RHBDF2: variants seen among roughly 807,000 people sequenced by gnomAD.
The protein encoded by RHBDF2 is inactive rhomboid protein 2.
In RHBDF2, 38 loss-of-function variants were observed where a neutral mutation model predicts 95.2. The observed-to-expected ratio is 0.40, with a 90% CI of 0.31 to 0.52. RHBDF2 has a LOEUF of 0.52. RHBDF2 is among the 20% of genes least tolerant of loss of function. The pLI is 0.56. For missense variants in RHBDF2, 863 were observed against 1,137.7 expected (o/e 0.76, Z 3.47); for synonymous variants, 442 against 462.0 (o/e 0.96, Z 0.55).
Position 76,471,536 on chromosome 17 carries a change from C to G in RHBDF2, c.*97G>C. 1 of 1,355,744 alleles carries G rather than the reference C, an allele frequency of 7.4e-7. No individual in the cohort carries two copies. The highest frequency in any genetic ancestry group is 1.5e-5 in the South Asian group (1 of 65,370). The allele number at this position is 1,355,744 out of a possible 1,614,324, so 84.0% of individuals were successfully genotyped here. The stretch of plus-strand genomic sequence containing the variant: ...AGAGCCCGGGCCCTGTCTTGGGTCT[C>G]TGGCTCTCTGGCACACAGAGAGCGC... On this transcript the variant is annotated 3_prime_UTR_variant, in exon 19 of 19. Coordinates refer to ENST00000675367, the MANE Select transcript of RHBDF2 (RefSeq NM_001005498.4).
intron 6 of RHBDF2, 37 bp downstream of exon 6, chr17:76,478,769 G>A (rs1306856800): frequency 6.4e-7 from 1 of 1,561,226 alleles, no homozygotes; most frequent in Middle Eastern, 1.8e-4. Context: ...AGGGAGGCCG[G>A]GCAGAGGTGG....
At chr17:76,475,613 C>T (rs2073748187) in intron 9 of RHBDF2, among the ~76,000 whole-genome samples, 2 of 151,298 alleles carry the variant, frequency 1.3e-5, no homozygotes, top group South Asian at 2.1e-4. Context: ...GACAGAGTCT[C>T]GCTCTGTCAC....
At chr17:76,488,472 C>G (rs2074203854) in intron 1 of RHBDF2, among the ~76,000 whole-genome samples, 1 of 150,786 alleles carries the variant, frequency 6.6e-6, no homozygotes, top group Admixed American at 6.6e-5. Context: ...TACACTCCAG[C>G]CTGGGCGACA....
intron 1 of RHBDF2, among the ~76,000 whole-genome samples, chr17:76,492,495 G>A (rs1046476925): frequency 2.0e-5 from 3 of 152,180 alleles, no homozygotes; most frequent in African/African-American, 7.2e-5. Context: ...GCCACCCCCA[G>A]GGAGGTCCCC....
At chr17:76,498,836 G>T (rs995345106) in intron 1 of RHBDF2, among the ~76,000 whole-genome samples, 1 of 138,466 alleles carries the variant, frequency 7.2e-6, no homozygotes, top group East Asian at 2.1e-4. Context: ...GTCTGTGTGT[G>T]TCTGTGTGTT....
rs1386994415 is a variant in RHBDF2 at position 76,475,135 on chromosome 17, G to A, written c.1122C>T (p.Tyr374=). ...GGACGAAGGTCAGCCAGTAGGTGAAGTAGGGCCTGTGCAGAGACACCTCGG... is the reference window on the plus strand; with the variant it reads ...GGACGAAGGTCAGCCAGTAGGTGAAATAGGGCCTGTGCAGAGACACCTCGG... ...QLESFDSHRP[Y]FTYWLTFVHV... The change falls in exon 10 of 19, where the codon TAC becomes TAT. Residue 374 remains tyrosine, a synonymous_variant. Transcript: ENST00000675367. 6.3e-7 allele frequency: 1 copy of A among 1,589,988 alleles called. No individual in the cohort carries two copies. The highest frequency in any genetic ancestry group is 8.6e-7 in the Non-Finnish European group (1 of 1,168,872).
chr17:76,498,862 GTGTC>G, intron 1 of RHBDF2, among the ~76,000 whole-genome samples: 4 of 151,510 alleles, frequency 2.6e-5, no homozygotes, highest in Admixed American at 6.6e-5. Flanking sequence ...GTGTCTCTGT[GTGTC>G]TGTTTGTGTG....
chr17:76,498,297 C>G (rs540163034), intron 1 of RHBDF2, among the ~76,000 whole-genome samples: 15 of 151,766 alleles, frequency 9.9e-5, no homozygotes, highest in African/African-American at 2.4e-5. Context: ...GAGCCGCTTC[C>G]GACAGCCAGC....
chr17:76,478,617 A>C (rs2144140772), intron 6 of RHBDF2, among the ~76,000 whole-genome samples, 189 bp downstream of exon 6: 1 of 152,270 alleles, frequency 6.6e-6, no homozygotes, highest in South Asian at 2.1e-4. Flanking sequence ...TTAAGACAGA[A>C]GGATGGACGC....
chr17:76,497,864 C>A (rs1042299304), intron 1 of RHBDF2, among the ~76,000 whole-genome samples: 2 of 152,228 alleles, frequency 1.3e-5, no homozygotes, highest in African/African-American at 4.8e-5. Context: ...CCATCCTTTT[C>A]TGCTGGTCAC....
At chr17:76,472,394 G>GGT in intron 18 of RHBDF2, 1 of 577,332 alleles carries the variant, frequency 1.7e-6, no homozygotes. Context: ...ACGGCGCACG[G>GGT]AGGCCATTTC....
intron 2 of RHBDF2, among the ~76,000 whole-genome samples, chr17:76,485,497 A>G (rs368369252): frequency 4.0e-5 from 6 of 151,096 alleles, no homozygotes; most frequent in South Asian, 2.1e-4. Context: ...CAGGAGAATC[A>G]CTTGAACCCA....
In RHBDF2 at chr17:76,473,997, C is replaced by A. The variant is rs375487926; in HGVS notation, c.1574+36G>T. ...GGTGGCTCAGATGGCATGGCTATGCCTGACCCTGAGGCCCAGCAGAGGCTC... is the reference window on the plus strand; with the variant it reads ...GGTGGCTCAGATGGCATGGCTATGCATGACCCTGAGGCCCAGCAGAGGCTC... On this transcript the variant is annotated intron_variant, in intron 13 of 18. Coordinates refer to ENST00000675367, the MANE Select transcript of RHBDF2 (RefSeq NM_001005498.4). The A allele has an allele frequency of 3.5e-5, 57 of 1,607,028 alleles. No individual in the cohort carries two copies. In the African/African-American group the frequency reaches 6.5e-4, roughly 18 times the overall value.
At chr17:76,491,156 C>A (rs572085199) in intron 1 of RHBDF2, among the ~76,000 whole-genome samples, 3 of 152,014 alleles carry the variant, frequency 2.0e-5, no homozygotes, top group African/African-American at 7.3e-5. Flanking sequence ...GGATGGAGGA[C>A]GCTGCATGCT....
In RHBDF2 at chr17:76,478,852, A is replaced by G; in HGVS notation, c.626T>C (p.Met209Thr). The change falls in exon 6 of 19, where the codon ATG becomes ACG. Residue 209 changes from methionine to threonine, a missense_variant. Met to Thr is a moderately conservative substitution (Grantham distance 81). This residue lies in a region of RHBDF2 where 611 missense variants were observed against 725.5 expected (regional missense o/e 0.84). Transcript: ENST00000675367. ...GYSHLPRRKR[M>T]SVAHMSLQAA... ...TTGCAAGCTCATGTGGGCCACAGAC[A>G]TTCTCTTGCGGCGTGGCAGGTGGGA... is the stretch of plus-strand genomic sequence containing the variant. 1.9e-6 allele frequency: 3 copies of G among 1,613,716 alleles called. No individual in the cohort carries two copies. The highest frequency in any genetic ancestry group is 2.7e-5 in the African/African-American group (2 of 75,050).
In RHBDF2 at chr17:76,477,781, C is replaced by T. The variant is rs531140190; in HGVS notation, c.677G>A (p.Arg226His). Residue 226 changes from arginine (R) to histidine (H), a missense_variant, in exon 7 of 19, where the codon CGC (arginine) becomes CAC (histidine). Arg to His is a conservative substitution (Grantham distance 29). Coordinates refer to ENST00000675367, the MANE Select transcript of RHBDF2 (RefSeq NM_001005498.4). The part of the protein sequence containing the change: ...LQAAAALLKG[R>H]SVLDATGQRC... ...CTGTCCGGTGGCATCCAGCACCGAG[C>T]GCCCCTGTGCACGGGCAGAGGCACA... 2.0e-5 allele frequency: 32 copies of T among 1,610,338 alleles called. No homozygotes were observed. The highest frequency in any genetic ancestry group is 8.9e-5 in the East Asian group (4 of 44,880).
chr17:76,477,546 G>A (rs1307301555), intron 7 of RHBDF2, 111 bp downstream of exon 7: 1 of 1,272,880 alleles, frequency 7.9e-7, no homozygotes. Context: ...CATCCCAGCA[G>A]TGGGCCTCTG....
chr17:76,482,116 T>C (rs1206855390), intron 2 of RHBDF2, among the ~76,000 whole-genome samples: 2 of 151,940 alleles, frequency 1.3e-5, no homozygotes, highest in Admixed American at 6.6e-5. Context: ...TCCCGGACCA[T>C]ATGGGTCTGG....
In RHBDF2 at chr17:76,473,037, G is replaced by A; in HGVS notation, c.1878C>T (p.Tyr626=). 6.2e-7 allele frequency: 1 copy of A among 1,614,086 alleles called. No individual in the cohort carries two copies. The highest frequency in any genetic ancestry group is 8.5e-7 in the Non-Finnish European group (1 of 1,179,928). Reference sequence around the variant, plus strand: ...GTAGGAAGAGAGACAGCCAGAGCCTGTAGAACTGATCTGGGACCTCAGGGT... The same window carrying A: ...GTAGGAAGAGAGACAGCCAGAGCCTATAGAACTGATCTGGGACCTCAGGGT... ...FLNPEVPDQF[Y]RLWLSLFLHA... Residue 626 remains tyrosine (Y), a synonymous_variant, in exon 17 of 19, where the codon TAC becomes TAT. Coordinates refer to ENST00000675367, the MANE Select transcript of RHBDF2 (RefSeq NM_001005498.4).
Sources: allele counts gnomAD v4.1 joint callset (sites outside exome capture counted in the v4.1 genomes callset), GRCh38; gene constraint gnomAD v4.1.1; regional missense constraint gnomAD v4.1.1; transcripts MANE v1.5; gene names NCBI Gene and HGNC (gene_info 2026-07-23, HGNC 2026-07-21).